Variants in TBC1D8 observed in about 807,000 individuals in gnomAD.
TBC1D8 encodes the protein TBC1 domain family member 8, also known as BUB2-like protein 1.
TBC1D8 carries 65 observed loss-of-function variants against 118.8 expected under a neutral mutation model. The ratio of observed to expected loss-of-function variants is 0.55; its 90% CI spans 0.45 to 0.67. The LOEUF (loss-of-function observed/expected upper bound fraction) is 0.67. Among genes scored for constraint, TBC1D8 ranks in the 30% least tolerant of loss-of-function variants. The probability of loss-of-function intolerance (pLI) is 0.00; values close to 1 mark genes in which losing one functional copy is unlikely to be tolerated. For synonymous variants in TBC1D8, 566 were observed against 595.8 expected, an observed-to-expected ratio of 0.95 and a Z score of 0.73; for missense variants, 1,376 against 1,471.2, an observed-to-expected ratio of 0.94 and a Z score of 1.06.
intron 1 of TBC1D8, among the ~76,000 whole-genome samples, chr2:101,126,350 G>T (rs1678354702): frequency 1.3e-5 from 2 of 152,136 alleles, no homozygotes; most frequent in Admixed American, 6.6e-5. Context: ...AAACTTGGTG[G>T]GGCCACACAA....
intron 2 of TBC1D8, among the ~76,000 whole-genome samples, chr2:101,080,463 C>T (rs958011470): frequency 6.6e-6 from 1 of 152,144 alleles, no homozygotes; most frequent in African/African-American, 2.4e-5. Context: ...CAATAAAATT[C>T]TCTCTCCAAA....
intron 19 of TBC1D8, 60 bp downstream of exon 19, chr2:101,010,869 G>A (rs1279930219): frequency 2.4e-5 from 34 of 1,409,614 alleles, no homozygotes; most frequent in Middle Eastern, 1.9e-4. Context: ...GCGACAGAGC[G>A]AGACTCCATC....
At chr2:101,054,553 G>A (rs570323180) in intron 3 of TBC1D8, among the ~76,000 whole-genome samples, 5 of 151,930 alleles carry the variant, frequency 3.3e-5, no homozygotes, top group South Asian at 2.1e-4. Context: ...AATGGCAGTC[G>A]GGGTCAGAAA....
intron 2 of TBC1D8, among the ~76,000 whole-genome samples, chr2:101,088,407 C>T (rs990930861): frequency 2.0e-5 from 3 of 152,034 alleles, no homozygotes; most frequent in East Asian, 1.9e-4. Flanking sequence ...CCTGCCTCAG[C>T]CTCCCGAGTA....
intron 1 of TBC1D8, among the ~76,000 whole-genome samples, chr2:101,099,379 A>C (rs1050412039): frequency 6.6e-6 from 1 of 152,292 alleles, no homozygotes; most frequent in Admixed American, 6.5e-5. Context: ...TAGCCCACCA[A>C]CCAAAAAAAG....
At chr2:101,100,041 G>T (rs1676726029) in intron 1 of TBC1D8, among the ~76,000 whole-genome samples, 1 of 152,100 alleles carries the variant, frequency 6.6e-6, no homozygotes, top group African/African-American at 2.4e-5. Context: ...GAAATAAAGG[G>T]TATTCAAATA....
chr2:101,051,221 G>A (rs1295839325), intron 4 of TBC1D8, among the ~76,000 whole-genome samples: 3 of 152,096 alleles, frequency 2.0e-5, no homozygotes, highest in South Asian at 2.1e-4. Flanking sequence ...ATGAACATAC[G>A]CACGTATGTG....
chr2:101,139,798 G>A (rs1679022626), intron 1 of TBC1D8, among the ~76,000 whole-genome samples: 1 of 152,158 alleles, frequency 6.6e-6, no homozygotes, highest in South Asian at 2.1e-4. Flanking sequence ...GCTCCTCAGA[G>A]ACAGCTCCCT....
intron 1 of TBC1D8, among the ~76,000 whole-genome samples, chr2:101,137,813 C>T (rs1395596034): frequency 6.6e-6 from 1 of 152,192 alleles, no homozygotes; most frequent in Non-Finnish European, 1.5e-5. Context: ...TAAGCTGCCA[C>T]AGTCTCCTCA....
rs1177959905 is a variant in TBC1D8, at chr2:101,008,215, T to C, written c.3074A>G (p.Glu1025Gly). ...GGCGATGGCTTGATACAAATCATTT[T>C]CTTCTGGATCTTCATGGAACATACT... ...LYSMFHEDPE[E>G]NDLYQAIATV... The change falls in exon 20 of 20, where the codon GAA (glutamate) becomes GGA (glycine). Residue 1025 changes from glutamate to glycine, a missense_variant. By Grantham distance (98) the Glu-to-Gly change is moderately conservative. Coordinates refer to ENST00000409318, the MANE Select transcript of TBC1D8 (RefSeq NM_001330348.2). The C allele has an allele frequency of 6.2e-7, 1 of 1,602,410 alleles. No individual in the cohort carries two copies. Among genetic ancestry groups the C allele is most frequent in the Non-Finnish European group, 8.5e-7 (1 of 1,174,100 alleles).
At chr2:101,102,045 G>A (rs980756640) in intron 1 of TBC1D8, among the ~76,000 whole-genome samples, 13 of 148,390 alleles carry the variant, frequency 8.8e-5, no homozygotes, top group Admixed American at 2.7e-4. Flanking sequence ...GAGGAGGGGA[G>A]TGGAGAGGAG....
At chr2:101,093,719 A>G (rs187537125) in intron 1 of TBC1D8, among the ~76,000 whole-genome samples, 12 of 150,860 alleles carry the variant, frequency 8.0e-5, no homozygotes, top group East Asian at 2.0e-4. Context: ...CATCTCAGGG[A>G]AAAAAAAAGA....
intron 2 of TBC1D8, among the ~76,000 whole-genome samples, chr2:101,078,370 A>C: frequency 6.6e-6 from 1 of 152,194 alleles, no homozygotes; most frequent in East Asian, 1.9e-4. Flanking sequence ...GCTATGGATT[A>C]AAACCCAGAT....
intron 2 of TBC1D8, among the ~76,000 whole-genome samples, chr2:101,069,093 T>C (rs1683168699): frequency 1.4e-5 from 2 of 143,604 alleles, no homozygotes; most frequent in African/African-American, 5.3e-5. Flanking sequence ...AGAGCAGGAG[T>C]TCGGAACCAG....
chr2:101,099,397 C>G (rs1444238204), intron 1 of TBC1D8, among the ~76,000 whole-genome samples: 1 of 152,152 alleles, frequency 6.6e-6, no homozygotes. Context: ...AAGCCCAGGA[C>G]CAGATGGATT....
At chr2:101,051,731 G>A (rs1466133146) in intron 4 of TBC1D8, among the ~76,000 whole-genome samples, 4 of 152,154 alleles carry the variant, frequency 2.6e-5, no homozygotes, top group Non-Finnish European at 5.9e-5. Context: ...CTGATCATTA[G>A]AGAAATGCAA....
Position 101,029,667 on chromosome 2 carries a change from C to T in TBC1D8, c.2046G>A (p.Trp682Ter). The change falls in exon 12 of 20, where the codon TGG becomes TGA. Residue 682 changes from tryptophan (W) to a stop codon, truncating the protein, a stop_gained. Transcript: ENST00000409318. LOFTEE classifies it high-confidence loss of function. ...LSALASVSLS[W>*]FLTLFLSIMP... The stretch of plus-strand genomic sequence containing the variant: ...TGATGCTGAGGAACAGGGTCAGGAA[C>T]CACGAGAGAGAGACGGACGCCAGGG... 1.9e-6 allele frequency: 3 copies of T among 1,613,992 alleles called. No individual in the cohort carries two copies. The highest frequency in any genetic ancestry group is 2.2e-5 in the East Asian group (1 of 44,888).
chr2:101,007,410 C>A lies in TBC1D8; in HGVS notation c.*411G>T. 1 of 188,350 alleles carries A rather than the reference C, an allele frequency of 5.3e-6. No homozygotes were observed. 11.7% of individuals were successfully genotyped at this position (188,350 alleles called of 1,614,324 possible). ...AATACAATTGCACAGATAGTGGACT[C>A]CCTTAGATCTTGAAAGTGAACTTGA... On this transcript the variant is annotated 3_prime_UTR_variant, in exon 20 of 20. Transcript: ENST00000409318.
chr2:101,010,071 C>T (rs904327103), intron 19 of TBC1D8, among the ~76,000 whole-genome samples: 1 of 152,042 alleles, frequency 6.6e-6, no homozygotes, highest in African/African-American at 2.4e-5. Context: ...CGTAATCCAC[C>T]CGCCTCGGCC....
Sources: gnomAD v4.1 joint callset for allele counts (sites outside exome capture counted in the v4.1 genomes callset) on GRCh38, gnomAD v4.1.1 for gene constraint, MANE v1.5 for transcripts, NCBI Gene and HGNC (gene_info 2026-07-23, HGNC 2026-07-21) for gene names.